MKLN1: variants seen among roughly 807,000 people sequenced by gnomAD.
MKLN1 encodes the protein muskelin.
MKLN1 carries 18 observed loss-of-function variants against 99.0 expected under a neutral mutation model. That is an observed-to-expected ratio of 0.18 (90% CI 0.13 to 0.27). The LOEUF (loss-of-function observed/expected upper bound fraction) is 0.27, where lower values mean the gene tolerates loss of function less well. MKLN1 is among the 10% of genes least tolerant of loss of function. The pLI is 1.00. For missense variants in MKLN1, 621 were observed against 875.9 expected (o/e 0.71, Z 3.67); for synonymous variants, 288 against 293.2 (o/e 0.98, Z 0.18).
In MKLN1 at chr7:131,161,575, G is replaced by A. The variant is rs141410449; in HGVS notation, c.-297+18634G>A. Among the ~76,000 whole-genome samples, 386 of 151,866 alleles carry A rather than the reference G, an allele frequency of 2.5e-3. 14 individuals carry two copies. The East Asian group carries it at 0.059, about 23-fold the overall frequency. ...TTTTATTTTTTATTTTTTTTGAGAC[G>A]GAGTCTCGCTCTGTCGCCCAGGCTG... On this transcript the variant is annotated intron_variant, in intron 2 of 7. Transcript: ENST00000416992.
chr7:131,258,324 T>C (rs1275341801), intron 3 of MKLN1, among the ~76,000 whole-genome samples: 1 of 49,708 alleles, frequency 2.0e-5, no homozygotes, highest in Non-Finnish European at 6.1e-5. Context: ...TCTCCTGAGA[T>C]GCTCTGTTGC....
chr7:131,346,532 A>C (rs966999769), intron 1 of MKLN1, among the ~76,000 whole-genome samples: 5 of 152,030 alleles, frequency 3.3e-5, no homozygotes, highest in Non-Finnish European at 7.4e-5. Context: ...AAAAAAAAAA[A>C]AACCCAAAAA....
chr7:131,406,368 T>G (rs979867875), intron 6 of MKLN1, among the ~76,000 whole-genome samples: 1 of 151,976 alleles, frequency 6.6e-6, no homozygotes, highest in Admixed American at 6.6e-5. Flanking sequence ...ATGATTACCT[T>G]AACAAAATTG....
At position 131,171,848 on chromosome 7, in the gene MKLN1, G is replaced by A. The variant is rs139486065; in HGVS notation, c.-297+28907G>A. Among the ~76,000 whole-genome samples the A allele has an allele frequency of 1.2e-3, 186 of 152,314 alleles. 1 individual carries two copies. The highest frequency in any genetic ancestry group is 4.3e-3 in the African/African-American group (180 of 41,566). On this transcript the variant is annotated intron_variant, in intron 2 of 7. Coordinates refer to the MKLN1 transcript ENST00000416992. Reference sequence around the variant, plus strand: ...TTGACAAAGAACAGATAGAACTTGGGTTTGTAGAGCAAAAGAAAGAGGATA... The same window carrying A: ...TTGACAAAGAACAGATAGAACTTGGATTTGTAGAGCAAAAGAAAGAGGATA...
At chr7:131,381,446 G>A (rs144477261) in intron 2 of MKLN1, among the ~76,000 whole-genome samples, 6 of 152,262 alleles carry the variant, frequency 3.9e-5, no homozygotes, top group African/African-American at 7.2e-5. Context: ...AGAATTAACA[G>A]CAATGTTTTC....
At chr7:131,227,856 G>A (rs961290221) in intron 3 of MKLN1, among the ~76,000 whole-genome samples, 10 of 150,984 alleles carry the variant, frequency 6.6e-5, no homozygotes, top group Admixed American at 1.3e-4. Flanking sequence ...TTGAGCCACC[G>A]CGCCCGGCCT....
chr7:131,355,628 C>CTATATATA lies in MKLN1; in HGVS notation c.99-19782_99-19775dup, dbSNP rs58377694. On this transcript the variant is annotated intron_variant, in intron 1 of 17. Coordinates refer to ENST00000352689, the MANE Select transcript of MKLN1 (RefSeq NM_013255.5). The stretch of plus-strand genomic sequence containing the variant: ...AGGCTCTGATTTCTTTAACTTGATA[C>CTATATATA]TATATATATATATATATATATGCTT... Among the ~76,000 whole-genome samples the CTATATATA allele has an allele frequency of 4.5e-4, 62 of 136,920 alleles. 1 individual carries two copies. The highest frequency in any genetic ancestry group is 1.1e-3 in the Admixed American group (16 of 14,044). The allele number at this position is 136,920 out of a possible 152,430, so 89.8% of individuals were successfully genotyped here.
At chr7:131,349,827 T>C (rs1263471234) in intron 1 of MKLN1, among the ~76,000 whole-genome samples, 1 of 152,244 alleles carries the variant, frequency 6.6e-6, no homozygotes, top group South Asian at 2.1e-4. Context: ...TTTCCTATTT[T>C]ATCAAACTTC....
chr7:131,393,034 A>G (rs2116193558), intron 4 of MKLN1, among the ~76,000 whole-genome samples: 1 of 151,912 alleles, frequency 6.6e-6, no homozygotes, highest in Non-Finnish European at 1.5e-5. Context: ...GTAGCACACC[A>G]CCACACCTGG....
chr7:131,225,874 C>A (rs1336593464), intron 3 of MKLN1, among the ~76,000 whole-genome samples: 1 of 152,116 alleles, frequency 6.6e-6, no homozygotes, highest in African/African-American at 2.4e-5. Context: ...GCACTTTTGA[C>A]CCAAGAAGGG....
intron 12 of MKLN1, among the ~76,000 whole-genome samples, chr7:131,460,111 C>T (rs909190595): frequency 2.0e-5 from 3 of 152,128 alleles, no homozygotes. Context: ...TTTATGGCAG[C>T]TTATTCTTGT....
intron 2 of MKLN1, among the ~76,000 whole-genome samples, chr7:131,161,653 G>C (rs1477883907): frequency 6.6e-6 from 1 of 152,116 alleles, no homozygotes; most frequent in Non-Finnish European, 1.5e-5. Flanking sequence ...CCGGGTTCAG[G>C]CCATTCTCCT....
intron 8 of MKLN1, among the ~76,000 whole-genome samples, chr7:131,415,218 A>C (rs1041055077): frequency 1.3e-5 from 2 of 151,858 alleles, no homozygotes; most frequent in Non-Finnish European, 2.9e-5. Context: ...TAATATTTAG[A>C]GGTTAATGCC....
intron 3 of MKLN1, among the ~76,000 whole-genome samples, chr7:131,241,404 A>AG (rs1192139437): frequency 1.3e-5 from 2 of 151,228 alleles, no homozygotes; most frequent in Non-Finnish European, 3.0e-5. Flanking sequence ...AAAAGAAAAA[A>AG]AAAAAAAGAA....
At chr7:131,116,526 A>T (rs773235839) in intron 1 of MKLN1, among the ~76,000 whole-genome samples, 1 of 152,080 alleles carries the variant, frequency 6.6e-6, no homozygotes, top group Non-Finnish European at 1.5e-5. Flanking sequence ...CATTCTACAT[A>T]TGCACTCCCT....
intron 10 of MKLN1, among the ~76,000 whole-genome samples, chr7:131,441,638 G>C (rs928877597): frequency 6.6e-6 from 1 of 152,052 alleles, no homozygotes; most frequent in Non-Finnish European, 1.5e-5. Context: ...AATATTAAAA[G>C]GTTTCTTGGT....
chr7:131,156,774 T>C (rs921686426), intron 2 of MKLN1, among the ~76,000 whole-genome samples: 8 of 152,186 alleles, frequency 5.3e-5, no homozygotes, highest in African/African-American at 1.4e-4. Context: ...CATAACCCCA[T>C]TGTAAGTTGA....
intron 11 of MKLN1, among the ~76,000 whole-genome samples, chr7:131,444,651 A>G (rs1337100764): frequency 6.6e-6 from 1 of 151,638 alleles, no homozygotes; most frequent in Admixed American, 6.6e-5. Flanking sequence ...CAGGGCTCAA[A>G]TGATCCTCTC....
intron 12 of MKLN1, among the ~76,000 whole-genome samples, chr7:131,458,633 C>T (rs1796419412): frequency 6.6e-6 from 1 of 152,046 alleles, no homozygotes; most frequent in Admixed American, 6.6e-5. Context: ...GTGCCACCGT[C>T]TCTTATATCT....
Sources: allele counts gnomAD v4.1 joint callset (sites outside exome capture counted in the v4.1 genomes callset), GRCh38; gene constraint gnomAD v4.1.1; transcripts MANE v1.5; gene names NCBI Gene and HGNC (gene_info 2026-07-23, HGNC 2026-07-21).